Variants in RERE observed in about 807,000 individuals in gnomAD.
RERE encodes arginine-glutamic acid dipeptide repeats protein.
RERE carries 40 observed loss-of-function variants against 146.1 expected under a neutral mutation model. The ratio of observed to expected loss-of-function variants is 0.27; its 90% CI spans 0.21 to 0.36. RERE has a LOEUF of 0.36. Ranked by LOEUF, RERE falls within the 10% of genes least tolerant of loss-of-function variation. RERE has a pLI of 1.00. For synonymous variants in RERE, 1,003 were observed against 866.0 expected, an observed-to-expected ratio of 1.16 and a Z score of -2.78; for missense variants, 1,933 against 2,138.7, an observed-to-expected ratio of 0.90 and a Z score of 1.90.
At chr1:8,790,648 A>G (rs1035389793) in intron 1 of RERE, among the ~76,000 whole-genome samples, 41 of 152,376 alleles carry the variant, frequency 2.7e-4, no homozygotes, top group Admixed American at 2.0e-3. Flanking sequence ...TAGTAGCACG[A>G]TCTCAGATCA....
In RERE at chr1:8,423,276, A is replaced by G. The variant is rs1056229863; in HGVS notation, c.1204-469T>C. ...GGGGGTTAAAAGGCCGCTTTCCTTA[A>G]TCCAAAGAATTTGCCAGGAGGCACC... is the stretch of plus-strand genomic sequence containing the variant. On this transcript the variant is annotated intron_variant, in intron 11 of 22. Coordinates refer to ENST00000400908, the MANE Select transcript of RERE (RefSeq NM_001042681.2). This position sits in a 1 kb window ranked among gnomAD's most constrained non-coding sequence, Gnocchi z 5.4. The G allele has an allele frequency of 7.8e-5, 12 of 153,774 alleles. No individual in the cohort carries two copies. The highest frequency in any genetic ancestry group is 1.6e-4 in the Non-Finnish European group (11 of 69,202). 9.5% of individuals were successfully genotyped at this position (153,774 alleles called of 1,614,324 possible).
In RERE at chr1:8,358,524, C is replaced by T. The variant is rs1641394220; in HGVS notation, c.4011G>A (p.Leu1337=). 4.4e-6 allele frequency: 7 copies of T among 1,597,186 alleles called. No individual in the cohort carries two copies. The highest frequency in any genetic ancestry group is 5.1e-6 in the Non-Finnish European group (6 of 1,172,660). Residue 1337 remains leucine, a synonymous_variant, in exon 20 of 23, where the codon CTG becomes CTA. Coordinates refer to ENST00000400908, the MANE Select transcript of RERE (RefSeq NM_001042681.2). ...GCTCCATGGGGTTGGCGGCTGGGTG[C>T]AGGGGGTCCAGCTCTGGGGGCTTCA... The part of the protein sequence containing the change: ...FEVKPPELDP[L]HPAANPMEHF...
chr1:8,815,899 C>T (rs1161892816), intron 1 of RERE, among the ~76,000 whole-genome samples: 5 of 151,788 alleles, frequency 3.3e-5, no homozygotes, highest in African/African-American at 1.2e-4. Context: ...CTTTTCCCTT[C>T]GACCTCAACA....
chr1:8,735,720 T>G (rs1416305151), intron 1 of RERE, among the ~76,000 whole-genome samples: 2 of 152,116 alleles, frequency 1.3e-5, no homozygotes, highest in South Asian at 2.1e-4. Context: ...CGGTGCGAAG[T>G]TCCCATGAGA....
intron 1 of RERE, chr1:8,750,372 G>T (rs1640508257): frequency 3.1e-6 from 2 of 649,640 alleles, no homozygotes; most frequent in Non-Finnish European, 2.7e-6. Flanking sequence ...CAACATCTGT[G>T]AGTGTCACAA....
At chr1:8,471,025 C>T (rs1644677222) in intron 10 of RERE, among the ~76,000 whole-genome samples, 1 of 151,730 alleles carries the variant, frequency 6.6e-6, no homozygotes, top group Non-Finnish European at 1.5e-5. Flanking sequence ...CCATGCTGGC[C>T]AGGATGGTCT....
intron 1 of RERE, among the ~76,000 whole-genome samples, chr1:8,734,361 T>C (rs1485910543): frequency 1.3e-5 from 2 of 152,172 alleles, no homozygotes; most frequent in African/African-American, 4.8e-5. Context: ...GAGATTTTCA[T>C]CATCTTCCCT....
intron 12 of RERE, among the ~76,000 whole-genome samples, chr1:8,390,117 C>T (rs1642833206): frequency 6.6e-6 from 1 of 152,170 alleles, no homozygotes; most frequent in Non-Finnish European, 1.5e-5. Context: ...AAATCCAAGA[C>T]CTAGAAACAG....
At chr1:8,554,663 A>G (rs1404049391) in intron 6 of RERE, among the ~76,000 whole-genome samples, 2 of 134,490 alleles carry the variant, frequency 1.5e-5, no homozygotes, top group African/African-American at 5.7e-5. Flanking sequence ...TGGACAACAG[A>G]GCGAGATCCT....
chr1:8,353,320 A>G lies in RERE; in HGVS notation c.*1767T>C, dbSNP rs528281568. ...TTTAAGAGAAACTGGAAATGTCGCT[A>G]TTTGACGCCAGAACCTGAATTTGAG... On this transcript the variant is annotated 3_prime_UTR_variant, in exon 23 of 23. Transcript: ENST00000400908. 6.6e-6 allele frequency: 1 copy of G among 152,432 alleles called. No homozygotes were observed. Among genetic ancestry groups the G allele is most frequent in the African/African-American group, 2.4e-5 (1 of 41,594 alleles). 9.4% of individuals were successfully genotyped at this position (152,432 alleles called of 1,614,324 possible).
chr1:8,665,219 T>A (rs1191966453), intron 1 of RERE, among the ~76,000 whole-genome samples: 1 of 152,242 alleles, frequency 6.6e-6, no homozygotes, highest in Admixed American at 6.5e-5. Flanking sequence ...GATAGCTTTC[T>A]TGTTCAAAAC....
At chr1:8,567,262 A>G (rs1441464078) in intron 4 of RERE, among the ~76,000 whole-genome samples, 1 of 152,196 alleles carries the variant, frequency 6.6e-6, no homozygotes, top group Admixed American at 6.5e-5. Flanking sequence ...TTGTCAAGAG[A>G]TAACATCAGC....
At chr1:8,785,640 G>A (rs1641246006) in intron 1 of RERE, among the ~76,000 whole-genome samples, 1 of 151,688 alleles carries the variant, frequency 6.6e-6, no homozygotes, top group East Asian at 1.9e-4. Flanking sequence ...GCTTTTTTTT[G>A]AGACGAAGTC....
chr1:8,564,810 ATG>A (rs1362445441), intron 4 of RERE, among the ~76,000 whole-genome samples: 3 of 117,234 alleles, frequency 2.6e-5, no homozygotes, highest in East Asian at 7.0e-4. Flanking sequence ...GTGTGTGTGT[ATG>A]TATGTGTGTG....
rs1173630956 is a variant in RERE at position 8,729,217 on chromosome 1, A to ATTTT, written c.-144-72780_-144-72777dup. On this transcript the variant is annotated intron_variant, in intron 1 of 22. Transcript: ENST00000400908. ...GTTTTATTAGAAGTCAGCTACACCG[A>ATTTT]TTTTTTTTTTTTTTTTTTTTTATTG... Among the ~76,000 whole-genome samples the ATTTT allele has an allele frequency of 1.0e-4, 10 of 100,444 alleles. 1 individual carries two copies. Among genetic ancestry groups the ATTTT allele is most frequent in the East Asian group, 3.7e-4 (1 of 2,672 alleles). 65.9% of individuals were successfully genotyped at this position (100,444 alleles called of 152,430 possible).
chr1:8,632,186 T>C (rs138788083), intron 2 of RERE, among the ~76,000 whole-genome samples: 20 of 152,326 alleles, frequency 1.3e-4, no homozygotes, highest in Non-Finnish European at 2.4e-4. Flanking sequence ...TTCTAGAACA[T>C]TGTGCCCAGT....
chr1:8,783,903 C>T (rs1321476641), intron 1 of RERE, among the ~76,000 whole-genome samples: 4 of 152,112 alleles, frequency 2.6e-5, no homozygotes, highest in Non-Finnish European at 4.4e-5. Context: ...GGACTGCCAC[C>T]AAAGATTGCC....
intron 3 of RERE, among the ~76,000 whole-genome samples, chr1:8,616,620 T>C (rs1646855203): frequency 1.3e-5 from 2 of 152,200 alleles, no homozygotes; most frequent in Admixed American, 1.3e-4. Context: ...ACAATTTTAG[T>C]AAATAACATT....
At chr1:8,546,115 C>T (rs1461413810) in intron 6 of RERE, among the ~76,000 whole-genome samples, 2 of 147,508 alleles carry the variant, frequency 1.4e-5, no homozygotes, top group South Asian at 2.1e-4. Context: ...TCAGCCTTCC[C>T]GGTAGCTGGG....
Sources: allele counts gnomAD v4.1 joint callset (sites outside exome capture counted in the v4.1 genomes callset), GRCh38; gene constraint gnomAD v4.1.1; non-coding constraint Gnocchi (gnomAD v3.1); transcripts MANE v1.5; gene names NCBI Gene and HGNC (gene_info 2026-07-23, HGNC 2026-07-21).